CD38: variants seen among roughly 807,000 people sequenced by gnomAD.
CD38 encodes the protein ADP-ribosyl cyclase/cyclic ADP-ribose hydrolase 1.
A neutral mutation model predicts 36.3 loss-of-function variants in CD38; 31 were observed. The observed-to-expected ratio is 0.85, with a 90% CI of 0.64 to 1.15. The LOEUF (loss-of-function observed/expected upper bound fraction) is 1.15. Among genes scored for constraint, CD38 ranks in the 50% most tolerant of loss-of-function variants. The pLI is 0.00. For synonymous variants in CD38, 131 were observed against 135.2 expected (o/e 0.97, Z 0.22); for missense variants, 380 against 371.9 (o/e 1.02, Z -0.18).
chr4:15,813,791 T>C (rs72616178), intron 1 of CD38, among the ~76,000 whole-genome samples: 14,740 of 152,256 alleles, frequency 0.097, 1,210 homozygotes, highest in African/African-American at 0.22. Flanking sequence ...TTCTTTTTTA[T>C]GACTGCATAG....
At chr4:15,833,738 A>C (rs1401974897) in intron 3 of CD38, among the ~76,000 whole-genome samples, 1 of 152,222 alleles carries the variant, frequency 6.6e-6, no homozygotes, top group African/African-American at 2.4e-5. Flanking sequence ...TACTTCACTC[A>C]GGGTTAAGAC....
chr4:15,791,597 C>T (rs1323629123), intron 1 of CD38, among the ~76,000 whole-genome samples: 493 of 38,042 alleles, frequency 0.013, 1 homozygote, highest in African/African-American at 0.016. Context: ...GCCCCCCGCC[C>T]GGCCAGCCGC....
chr4:15,840,993 T>C (rs141944428), intron 7 of CD38, among the ~76,000 whole-genome samples: 258 of 152,112 alleles, frequency 1.7e-3, no homozygotes, highest in African/African-American at 5.9e-3. Context: ...GCCTAACACA[T>C]GACAAGGCGT....
At chr4:15,780,528 A>ACGCACACACACACACACACACACACG (rs10545816) in intron 1 of CD38, among the ~76,000 whole-genome samples, 2 of 144,206 alleles carry the variant, frequency 1.4e-5, no homozygotes, top group African/African-American at 5.1e-5. Flanking sequence ...TCACACACAC[A>ACGCACACACACACACACACACACACG]CACACACACA....
chr4:15,819,738 A>G (rs905435279), intron 2 of CD38, among the ~76,000 whole-genome samples: 6 of 152,350 alleles, frequency 3.9e-5, no homozygotes, highest in Middle Eastern at 6.8e-3. Context: ...TCTGAGAACT[A>G]TGGGATTACA....
At chr4:15,842,299 C>T (rs1724230612) in intron 7 of CD38, among the ~76,000 whole-genome samples, 1 of 137,676 alleles carries the variant, frequency 7.3e-6, no homozygotes, top group Non-Finnish European at 1.5e-5. Context: ...AGCAGGGGCA[C>T]ACTGACACCT....
At chr4:15,817,739 C>T (rs1002538569) in intron 2 of CD38, among the ~76,000 whole-genome samples, 1 of 152,164 alleles carries the variant, frequency 6.6e-6, no homozygotes, top group African/African-American at 2.4e-5. Flanking sequence ...AACCAGTATC[C>T]TTCACTGACT....
intron 1 of CD38, among the ~76,000 whole-genome samples, chr4:15,804,073 T>C (rs575735473): frequency 6.6e-6 from 1 of 152,332 alleles, no homozygotes; most frequent in African/African-American, 2.4e-5. Context: ...GGCATCTAGG[T>C]TGATTCCATG....
intron 3 of CD38, among the ~76,000 whole-genome samples, chr4:15,829,756 G>A (rs148274742): frequency 4.2e-4 from 64 of 152,150 alleles, no homozygotes; most frequent in African/African-American, 8.9e-4. Context: ...ACTTCCCAGC[G>A]TCTGGTAACC....
At chr4:15,825,129 T>C in intron 3 of CD38, 113 bp downstream of exon 3, 1 of 966,940 alleles carries the variant, frequency 1.0e-6, no homozygotes, top group Non-Finnish European at 1.5e-6. Context: ...GCACCCATCC[T>C]GATGCCATCT....
At chr4:15,819,083 AGAT>A (rs1026387672) in intron 2 of CD38, among the ~76,000 whole-genome samples, 1 of 151,634 alleles carries the variant, frequency 6.6e-6, no homozygotes, top group African/African-American at 2.4e-5. Context: ...AACTATCACA[AGAT>A]CAGAAAACCA....
At chr4:15,832,034 G>C (rs1274836614) in intron 3 of CD38, among the ~76,000 whole-genome samples, 4 of 151,636 alleles carry the variant, frequency 2.6e-5, no homozygotes, top group African/African-American at 7.3e-5. Context: ...CTGTCTTCAA[G>C]CTCACAAATT....
In CD38 at chr4:15,849,029, G is replaced by A. The variant is rs145819389; in HGVS notation, c.*427G>A. The stretch of plus-strand genomic sequence containing the variant: ...CAAATGAATGACCTTGTTGCATGAT[G>A]TATTTTTGTACCCTTCCTACAGATA... On this transcript the variant is annotated 3_prime_UTR_variant, in exon 8 of 8. Transcript: ENST00000226279. 37 of 157,748 alleles carry A rather than the reference G, an allele frequency of 2.3e-4. No individual in the cohort carries two copies. Among genetic ancestry groups the A allele is most frequent in the African/African-American group, 7.7e-4 (32 of 41,622 alleles). The allele number at this position is 157,748 out of a possible 1,614,324, so 9.8% of individuals were successfully genotyped here.
At chr4:15,788,243 G>A (rs143257955) in intron 1 of CD38, among the ~76,000 whole-genome samples, 6 of 152,320 alleles carry the variant, frequency 3.9e-5, no homozygotes, top group African/African-American at 1.4e-4. Flanking sequence ...CATATTGGAT[G>A]AGCCTGGTTC....
At chr4:15,815,975 G>C (rs568268499) in intron 1 of CD38, among the ~76,000 whole-genome samples, 54 of 152,188 alleles carry the variant, frequency 3.5e-4, no homozygotes, top group African/African-American at 1.3e-3. Flanking sequence ...TAGCATGAAG[G>C]GATGTTGAAT....
At chr4:15,792,468 G>GAAAGAATCAAGAAAAAAAAAA (rs1723025789) in intron 1 of CD38, among the ~76,000 whole-genome samples, 1 of 142,496 alleles carries the variant, frequency 7.0e-6, no homozygotes, top group Non-Finnish European at 1.5e-5. Context: ...GAAAAAAAAA[G>GAAAGAATCAAGAAAAAAAAAA]AAAAGAAAAG....
intron 1 of CD38, among the ~76,000 whole-genome samples, chr4:15,806,705 G>C (rs1723349317): frequency 6.6e-6 from 1 of 152,182 alleles, no homozygotes; most frequent in Non-Finnish European, 1.5e-5. Flanking sequence ...GGGTGAGTGA[G>C]AGGTCTGGGA....
intron 2 of CD38, among the ~76,000 whole-genome samples, chr4:15,822,443 G>A (rs941426849): frequency 5.9e-5 from 9 of 151,992 alleles, no homozygotes; most frequent in African/African-American, 1.4e-4. Context: ...CTAGAAAACC[G>A]GATCATCTCA....
intron 3 of CD38, among the ~76,000 whole-genome samples, chr4:15,833,064 G>A (rs1372140022): frequency 6.6e-6 from 1 of 152,172 alleles, no homozygotes; most frequent in Non-Finnish European, 1.5e-5. Flanking sequence ...CAAGGCCCAA[G>A]GACTCTTCAG....
Sources: gnomAD v4.1 joint callset for allele counts (sites outside exome capture counted in the v4.1 genomes callset) on GRCh38, gnomAD v4.1.1 for gene constraint, MANE v1.5 for transcripts, NCBI Gene and HGNC (gene_info 2026-07-23, HGNC 2026-07-21) for gene names.